Variants in CNTN5 observed in about 807,000 individuals in gnomAD.
CNTN5 encodes the protein contactin 5.
Under a neutral mutation model 129.1 loss-of-function variants are expected in CNTN5, and 77 were observed. That is an observed-to-expected ratio of 0.60 (90% CI 0.50 to 0.72). CNTN5 has a LOEUF of 0.72. Ranked by LOEUF, CNTN5 falls within the 30% of genes least tolerant of loss-of-function variation. The pLI, the probability that CNTN5 is intolerant of heterozygous loss-of-function variation, is 0.00. For synonymous variants in CNTN5, 509 were observed against 465.6 expected, an observed-to-expected ratio of 1.09 and a Z score of -1.20; for missense variants, 1,478 against 1,328.8, an observed-to-expected ratio of 1.11 and a Z score of -1.75.
In CNTN5 at chr11:100,340,569, A is replaced by C. The variant is rs532931156; in HGVS notation, c.2837A>C (p.Tyr946Ser). 6.2e-7 allele frequency: 1 copy of C among 1,613,230 alleles called. No homozygotes were observed. Among genetic ancestry groups the C allele is most frequent in the Admixed American group, 1.7e-5 (1 of 59,982 alleles). The change falls in exon 22 of 25, where the codon TAT (tyrosine) becomes TCT (serine). Residue 946 changes from tyrosine (Y) to serine (S), a missense_variant. Physicochemically the swap from Tyr to Ser is moderately radical, Grantham distance 144. Coordinates refer to ENST00000524871, the MANE Select transcript of CNTN5 (RefSeq NM_014361.4). ...ACAGGATTAGAAGGAAATACGTTAT[A>C]TCACTTCACAGTGAGGGCTTACAAT... ...ILTGLEGNTLYHFTVRAYNGA... is the reference protein window; with the variant it reads ...ILTGLEGNTLSHFTVRAYNGA...
chr11:99,407,763 C>T (rs997914077), intron 2 of CNTN5, among the ~76,000 whole-genome samples: 1 of 152,196 alleles, frequency 6.6e-6, no homozygotes, highest in Non-Finnish European at 1.5e-5. Flanking sequence ...TAACTCCCCC[C>T]TCACTAGGAC....
At chr11:99,988,443 C>G (rs1320527688) in intron 8 of CNTN5, among the ~76,000 whole-genome samples, 2 of 150,590 alleles carry the variant, frequency 1.3e-5, no homozygotes, top group Non-Finnish European at 3.0e-5. Flanking sequence ...GAGTAAGAAA[C>G]TCTTTGGAGG....
chr11:99,377,195 A>T (rs182890852), intron 2 of CNTN5, among the ~76,000 whole-genome samples: 1 of 152,100 alleles, frequency 6.6e-6, no homozygotes. Context: ...TGTCCTTGGT[A>T]AAAAAGAAAA....
chr11:100,001,267 G>A (rs1367089574), intron 8 of CNTN5, among the ~76,000 whole-genome samples: 3 of 152,068 alleles, frequency 2.0e-5, no homozygotes, highest in Non-Finnish European at 2.9e-5. Flanking sequence ...GAGAGAACAG[G>A]GAAACTGCCA....
At chr11:99,653,616 A>C (rs1952239825) in intron 3 of CNTN5, among the ~76,000 whole-genome samples, 1 of 152,098 alleles carries the variant, frequency 6.6e-6, no homozygotes, top group Admixed American at 6.6e-5. Flanking sequence ...GGCAAGAAAG[A>C]AATGTAAATT....
chr11:99,714,727 T>G (rs1402090671), intron 3 of CNTN5, among the ~76,000 whole-genome samples: 1 of 151,930 alleles, frequency 6.6e-6, no homozygotes, highest in Non-Finnish European at 1.5e-5. Flanking sequence ...CCTTTTAATT[T>G]ACAAATCCCA....
At chr11:100,258,751 ATGT>A (rs1950131491) in intron 17 of CNTN5, among the ~76,000 whole-genome samples, 1 of 152,202 alleles carries the variant, frequency 6.6e-6, no homozygotes. Context: ...ATGCTGAGAG[ATGT>A]TGTCACCACC....
chr11:99,133,603 A>G (rs542284255), intron 1 of CNTN5, among the ~76,000 whole-genome samples: 5 of 57,990 alleles, frequency 8.6e-5, no homozygotes, highest in Non-Finnish European at 1.7e-4. Flanking sequence ...AAGGATAGGA[A>G]CAGACACTTC....
intron 9 of CNTN5, among the ~76,000 whole-genome samples, chr11:100,057,171 A>C (rs931127661): frequency 6.7e-6 from 1 of 148,864 alleles, no homozygotes; most frequent in Non-Finnish European, 1.5e-5. Context: ...CAAAAAGTTA[A>C]AGTATAATAG....
At chr11:99,212,119 A>G (rs565941501) in intron 1 of CNTN5, among the ~76,000 whole-genome samples, 7 of 152,274 alleles carry the variant, frequency 4.6e-5, no homozygotes, top group African/African-American at 1.7e-4. Flanking sequence ...AGGGTACTTT[A>G]GTGTCCAGAA....
intron 3 of CNTN5, among the ~76,000 whole-genome samples, chr11:99,668,585 A>C (rs1035251193): frequency 6.6e-6 from 1 of 152,090 alleles, no homozygotes; most frequent in African/African-American, 2.4e-5. Flanking sequence ...AAAACATTAT[A>C]CTACTAGTTA....
intron 3 of CNTN5, among the ~76,000 whole-genome samples, chr11:99,780,250 C>A (rs766348805): frequency 1.3e-5 from 2 of 151,842 alleles, no homozygotes; most frequent in Non-Finnish European, 2.9e-5. Context: ...CTATTTCATA[C>A]GTTAGTATAT....
At chr11:99,220,738 G>C (rs1860359361) in intron 1 of CNTN5, among the ~76,000 whole-genome samples, 3 of 151,940 alleles carry the variant, frequency 2.0e-5, no homozygotes, top group Non-Finnish European at 4.4e-5. Context: ...AGGAGGGCCA[G>C]ATTAATGCTT....
At chr11:99,833,141 G>C (rs1008214038) in intron 4 of CNTN5, among the ~76,000 whole-genome samples, 3 of 152,182 alleles carry the variant, frequency 2.0e-5, no homozygotes, top group Non-Finnish European at 4.4e-5. Context: ...AGGAGTCTCA[G>C]ATGGATGATA....
intron 3 of CNTN5, among the ~76,000 whole-genome samples, chr11:99,690,613 T>C (rs1954002222): frequency 6.6e-6 from 1 of 152,166 alleles, no homozygotes; most frequent in South Asian, 2.1e-4. Context: ...TCATGGAATG[T>C]TTTTCTACTT....
At chr11:99,543,681 G>C (rs1007689270) in intron 2 of CNTN5, among the ~76,000 whole-genome samples, 18 of 152,128 alleles carry the variant, frequency 1.2e-4, no homozygotes, top group Non-Finnish European at 1.9e-4. Flanking sequence ...ACTTTGGGAG[G>C]CTGAGGTGGG....
At chr11:99,655,405 A>G (rs1952317691) in intron 3 of CNTN5, among the ~76,000 whole-genome samples, 1 of 152,146 alleles carries the variant, frequency 6.6e-6, no homozygotes, top group Admixed American at 6.6e-5. Flanking sequence ...TGTCAACTGC[A>G]TGAGGACAAT....
chr11:99,907,271 A>G (rs1295299479), intron 6 of CNTN5, among the ~76,000 whole-genome samples: 1 of 151,820 alleles, frequency 6.6e-6, no homozygotes, highest in Non-Finnish European at 1.5e-5. Flanking sequence ...TGATATTGAT[A>G]GAAATAAATT....
intron 1 of CNTN5, among the ~76,000 whole-genome samples, chr11:99,021,883 T>C (rs1041362129): frequency 6.6e-6 from 1 of 152,196 alleles, no homozygotes; most frequent in Non-Finnish European, 1.5e-5. Context: ...CCATGTTTTG[T>C]AGGGAGATAT....
Sources: gnomAD v4.1 joint callset for allele counts (sites outside exome capture counted in the v4.1 genomes callset) on GRCh38, gnomAD v4.1.1 for gene constraint, MANE v1.5 for transcripts, NCBI Gene and HGNC (gene_info 2026-07-23, HGNC 2026-07-21) for gene names.